MAFK: variants seen among roughly 807,000 people sequenced by gnomAD.
MAFK encodes MAF bZIP transcription factor K.
Under a neutral mutation model 9.2 loss-of-function variants are expected in MAFK, and 1 was observed. The observed-to-expected ratio is 0.11, with a 90% CI of 0.04 to 0.52. MAFK has a LOEUF of 0.52. MAFK is among the 20% of genes least tolerant of loss of function. MAFK has a pLI of 0.94. For synonymous variants in MAFK, 110 were observed against 107.4 expected (o/e 1.02, Z -0.15); for missense variants, 207 against 236.0 (o/e 0.88, Z 0.81).
In MAFK at chr7:1,534,361, G is replaced by A. The variant is rs965268142; in HGVS notation, c.-45+3463G>A. ...CACAGCGGCCCCACCTACCCTTGCG[G>A]CCCAGTGTGGAGGGCACCCGGCTTG... On this transcript the variant is annotated intron_variant, in intron 1 of 2. Coordinates refer to ENST00000343242, the MANE Select transcript of MAFK (RefSeq NM_002360.4). This position sits in a 1 kb window ranked among gnomAD's most constrained non-coding sequence, Gnocchi z 4.3. 3 of 450,700 alleles carry A rather than the reference G, an allele frequency of 6.7e-6. No homozygotes were observed. The highest frequency in any genetic ancestry group is 4.0e-5 in the African/African-American group (2 of 49,974). 27.9% of individuals were successfully genotyped at this position (450,700 alleles called of 1,614,324 possible). A position where few individuals can be genotyped will look rare whatever the true frequency, so the allele number is the denominator to read the frequency against.
chr7:1,539,958 C>T lies in MAFK; in HGVS notation c.54C>T (p.Gly18=), dbSNP rs1303119138. The change falls in exon 3 of 3, where the codon GGC becomes GGT. Residue 18 remains glycine, a synonymous_variant. Coordinates refer to ENST00000343242, the MANE Select transcript of MAFK (RefSeq NM_002360.4). ...NKALKVKKEA[G]ENAPVLSDDE... ...CCCCCCAGGTCAAGAAGGAGGCGGG[C>T]GAGAACGCCCCGGTGCTCAGCGATG... 2.5e-5 allele frequency: 38 copies of T among 1,536,190 alleles called. No individual in the cohort carries two copies. In the Admixed American group the frequency reaches 6.0e-4, roughly 24 times the overall value.
chr7:1,534,570 C>T lies in MAFK; in HGVS notation c.-45+3672C>T, dbSNP rs772146830. The T allele has an allele frequency of 1.1e-5, 5 of 456,462 alleles. No homozygotes were observed. Among genetic ancestry groups the T allele is most frequent in the South Asian group, 7.7e-5 (5 of 64,584 alleles). The allele number at this position is 456,462 out of a possible 1,614,324, so 28.3% of individuals were successfully genotyped here. The stretch of plus-strand genomic sequence containing the variant: ...CCCGTCCTCCGTTCCTGGTCTTCCT[C>T]CTGCCCCTCCTCCCTCTCCCGCATC... On this transcript the variant is annotated intron_variant, in intron 1 of 2. Coordinates refer to ENST00000343242, the MANE Select transcript of MAFK (RefSeq NM_002360.4). The surrounding 1 kb of genome is among the most constrained non-coding windows in gnomAD (Gnocchi z 4.3).
intron 1 of MAFK, chr7:1,537,972 T>C (rs1181521460): frequency 6.4e-6 from 1 of 155,200 alleles, no homozygotes; most frequent in Non-Finnish European, 1.4e-5. Flanking sequence ...TGGGAGTGGG[T>C]GCTGTGAACC....
chr7:1,536,992 C>T (rs1334654356), intron 1 of MAFK, among the ~76,000 whole-genome samples: 1 of 152,190 alleles, frequency 6.6e-6, no homozygotes, highest in Non-Finnish European at 1.5e-5. Context: ...TGCAGGTGTG[C>T]CTCGAAGTAC....
intron 1 of MAFK, 193 bp from the exon 2 acceptor site, chr7:1,538,956 C>A (rs1583201786): frequency 9.0e-6 from 5 of 553,080 alleles, no homozygotes; most frequent in South Asian, 2.2e-5. Flanking sequence ...GGGACAGAGG[C>A]CGGGCCAGGA....
chr7:1,539,182 G>T lies in MAFK; in HGVS notation c.-11G>T. 1 of 1,612,738 alleles carries T rather than the reference G, an allele frequency of 6.2e-7. No homozygotes were observed. The highest frequency in any genetic ancestry group is 8.5e-7 in the Non-Finnish European group (1 of 1,179,480). ...TCCAGGGAGCTCTGTCCTGGTGACC[G>T]TGCCCGGGTTATGACGACTAATCCC... On this transcript the variant is annotated 5_prime_UTR_variant, in exon 2 of 3. Coordinates refer to ENST00000343242, the MANE Select transcript of MAFK (RefSeq NM_002360.4).
At chr7:1,531,492 T>G (rs1373405173) in intron 1 of MAFK, among the ~76,000 whole-genome samples, 1 of 151,886 alleles carries the variant, frequency 6.6e-6, no homozygotes, top group South Asian at 2.1e-4. Context: ...CTGGTGTCGC[T>G]CTCAGCCGCC....
At chr7:1,530,935 C>T (rs1231463797) in intron 1 of MAFK, 37 bp downstream of exon 1, 1 of 121,082 alleles carries the variant, frequency 8.3e-6, no homozygotes, top group Admixed American at 8.5e-5. Context: ...CGGGCCGCGG[C>T]GGGGACGGGG....
rs781430032 is a variant in MAFK, at chr7:1,532,093, C to T, written c.-45+1195C>T. 6.6e-6 allele frequency among the ~76,000 whole-genome samples: 1 copy of T among 152,202 alleles called. No individual in the cohort carries two copies. Among genetic ancestry groups the T allele is most frequent in the Non-Finnish European group, 1.5e-5 (1 of 68,032 alleles). ...TGGTCTAGGGGATATCTGTGTGGTT[C>T]GGCTCTGGCAGCGCCCTTCCCACCC... On this transcript the variant is annotated intron_variant, in intron 1 of 2. Coordinates refer to ENST00000343242, the MANE Select transcript of MAFK (RefSeq NM_002360.4). This position sits in a 1 kb window ranked among gnomAD's most constrained non-coding sequence, Gnocchi z 4.5.
chr7:1,530,938 G>A (rs1189365382), intron 1 of MAFK, 40 bp downstream of exon 1: 1 of 145,814 alleles, frequency 6.9e-6, no homozygotes, highest in Non-Finnish European at 1.5e-5. Context: ...GCCGCGGCGG[G>A]GACGGGGACC....
intron 2 of MAFK, 75 bp from the exon 3 acceptor site, chr7:1,539,866 C>G (rs1019916789): frequency 1.5e-6 from 2 of 1,322,330 alleles, no homozygotes; most frequent in Non-Finnish European, 2.0e-6. Flanking sequence ...CGCTGGGTTC[C>G]TGGCCACCCC....
At chr7:1,535,343 G>C (rs1016756369) in intron 1 of MAFK, among the ~76,000 whole-genome samples, 24 of 152,268 alleles carry the variant, frequency 1.6e-4, no homozygotes, top group Admixed American at 9.2e-4. Context: ...TGACCAGTGA[G>C]TATTTGCTGG....
intron 1 of MAFK, chr7:1,537,840 C>T (rs754385140): frequency 2.3e-4 from 76 of 327,296 alleles, no homozygotes; most frequent in Non-Finnish European, 2.9e-4. Context: ...GCAGGGAGGA[C>T]GGGATGCGGT....
rs1783919437 is a variant in MAFK, at chr7:1,532,089, G to A, written c.-45+1191G>A. Among the ~76,000 whole-genome samples the A allele has an allele frequency of 6.6e-6, 1 of 152,224 alleles. No homozygotes were observed. ...ATCGTGGTCTAGGGGATATCTGTGTGGTTCGGCTCTGGCAGCGCCCTTCCC... is the reference window on the plus strand; with the variant it reads ...ATCGTGGTCTAGGGGATATCTGTGTAGTTCGGCTCTGGCAGCGCCCTTCCC... On this transcript the variant is annotated intron_variant, in intron 1 of 2. Coordinates refer to ENST00000343242, the MANE Select transcript of MAFK (RefSeq NM_002360.4). The surrounding 1 kb of genome is among the most constrained non-coding windows in gnomAD (Gnocchi z 4.5).
At position 1,541,697 on chromosome 7, in the gene MAFK, G is replaced by T. The variant is rs950805708; in HGVS notation, c.*1322G>T. ...CAGGTGTGGCTGGCCTCAGCACTCA[G>T]TCCTCACCCGGAGCCTTTGCCTGCT... On this transcript the variant is annotated 3_prime_UTR_variant, in exon 3 of 3. Transcript: ENST00000343242. 6.6e-6 allele frequency: 1 copy of T among 152,242 alleles called. No homozygotes were observed. The highest frequency in any genetic ancestry group is 2.1e-4 in the South Asian group (1 of 4,832). 9.4% of individuals were successfully genotyped at this position (152,242 alleles called of 1,614,324 possible).
chr7:1,531,369 C>T (rs1414400619), intron 1 of MAFK, among the ~76,000 whole-genome samples: 2 of 152,132 alleles, frequency 1.3e-5, no homozygotes, highest in Non-Finnish European at 2.9e-5. Context: ...CCCCGGACTG[C>T]CCCCCGCGCT....
Position 1,541,778 on chromosome 7 carries a change from CT to C in MAFK, c.*1407del. The C allele has an allele frequency of 6.6e-6, 1 of 152,418 alleles. No individual in the cohort carries two copies. The highest frequency in any genetic ancestry group is 1.5e-5 in the Non-Finnish European group (1 of 68,094). 9.4% of individuals were successfully genotyped at this position (152,418 alleles called of 1,614,324 possible). A position where few individuals can be genotyped will look rare whatever the true frequency, so the allele number is the denominator to read the frequency against. On this transcript the variant is annotated 3_prime_UTR_variant, in exon 3 of 3. Transcript: ENST00000343242. Reference sequence around the variant, plus strand: ...GGCTTGGCACTCCACCTTGGGCTTCCTTTTCCTGGAGAGCCGCCTTGAGGGT... The same window carrying C: ...GGCTTGGCACTCCACCTTGGGCTTCCTTTCCTGGAGAGCCGCCTTGAGGGT...
At position 1,540,154 on chromosome 7, in the gene MAFK, G is replaced by C; in HGVS notation, c.250G>C (p.Val84Leu). Residue 84 changes from valine (V) to leucine (L), a missense_variant, in exon 3 of 3, where the codon GTG becomes CTG. Coordinates refer to ENST00000343242, the MANE Select transcript of MAFK (RefSeq NM_002360.4). ...GAAGGAGGAGCTGGAGCGGCAGCGC[G>C]TGGAGCTGCAGCAGGAGGTGGAGAA... ...TQKEELERQR[V>L]ELQQEVEKLA... The C allele has an allele frequency of 6.4e-7, 1 of 1,570,898 alleles. No homozygotes were observed. The highest frequency in any genetic ancestry group is 1.2e-5 in the South Asian group (1 of 86,068).
intron 1 of MAFK, chr7:1,537,396 ACT>A: frequency 1.0e-6 from 1 of 985,510 alleles, no homozygotes; most frequent in Non-Finnish European, 1.2e-6. Context: ...CGGCCTGTGC[ACT>A]GACGTGCTCG....
Sources: allele counts gnomAD v4.1 joint callset (sites outside exome capture counted in the v4.1 genomes callset), GRCh38; gene constraint gnomAD v4.1.1; non-coding constraint Gnocchi (gnomAD v3.1); transcripts MANE v1.5; gene names NCBI Gene and HGNC (gene_info 2026-07-23, HGNC 2026-07-21).